IPO11: variants seen among roughly 807,000 people sequenced by gnomAD.
IPO11 encodes the protein importin-11.
Under a neutral mutation model 143.2 loss-of-function variants are expected in IPO11, and 66 were observed. The observed-to-expected ratio is 0.46, with a 90% CI of 0.38 to 0.57. The LOEUF is 0.57. Ranked by LOEUF, IPO11 falls within the 20% of genes least tolerant of loss-of-function variation. The pLI is 0.00. For synonymous variants in IPO11, 385 were observed against 377.8 expected (o/e 1.02, Z -0.22); for missense variants, 1,026 against 1,141.0 (o/e 0.90, Z 1.45).
chr5:62,582,202 C>T (rs577524415), intron 27 of IPO11, among the ~76,000 whole-genome samples: 13 of 152,154 alleles, frequency 8.5e-5, no homozygotes, highest in Non-Finnish European at 8.8e-5. Context: ...ACAATAAAAC[C>T]GGAGCCAGAA....
chr5:62,584,239 T>A (rs1744672669), intron 27 of IPO11, among the ~76,000 whole-genome samples: 1 of 152,042 alleles, frequency 6.6e-6, no homozygotes, highest in African/African-American at 2.4e-5. Context: ...TAGATACGTT[T>A]GGTGTCAAGC....
At chr5:62,422,001 A>G (rs1473874487) in intron 1 of IPO11, among the ~76,000 whole-genome samples, 25 of 152,200 alleles carry the variant, frequency 1.6e-4, no homozygotes, top group Admixed American at 1.6e-3. Flanking sequence ...GTTTTGCCTA[A>G]CTGCTAGTTA....
chr5:62,444,117 A>G (rs1744618007), intron 3 of IPO11, among the ~76,000 whole-genome samples: 1 of 141,178 alleles, frequency 7.1e-6, no homozygotes, highest in Non-Finnish European at 1.5e-5. Context: ...TTTTTTTGAG[A>G]CGGAGTCTCG....
At chr5:62,592,394 G>A (rs1745055867) in intron 28 of IPO11, among the ~76,000 whole-genome samples, 1 of 151,764 alleles carries the variant, frequency 6.6e-6, no homozygotes, top group African/African-American at 2.4e-5. Context: ...ATATGTTGTT[G>A]AATCTTATTA....
At chr5:62,444,333 C>T (rs1392387695) in intron 3 of IPO11, among the ~76,000 whole-genome samples, 2 of 152,000 alleles carry the variant, frequency 1.3e-5, no homozygotes, top group South Asian at 2.1e-4. Context: ...ACCTGGTGAT[C>T]CGCCCGCCTT....
rs774257156 is a variant in IPO11 at position 62,473,334 on chromosome 5, C to T, written c.709-1082C>T. 1.2e-3 allele frequency among the ~76,000 whole-genome samples: 182 copies of T among 152,128 alleles called. 1 individual carries two copies. The highest frequency in any genetic ancestry group is 2.2e-3 in the Non-Finnish European group (150 of 67,962). On this transcript the variant is annotated intron_variant, in intron 7 of 29. Coordinates refer to ENST00000325324, the MANE Select transcript of IPO11 (RefSeq NM_016338.5). ...TAACAGTTGAGAATTCAGAATTTTA[C>T]ATTTTCTGCTTGAAATGACAGAGAG... is the stretch of plus-strand genomic sequence containing the variant.
chr5:62,604,160 A>G (rs573450823), intron 29 of IPO11, among the ~76,000 whole-genome samples: 11 of 152,274 alleles, frequency 7.2e-5, no homozygotes, highest in Middle Eastern at 3.4e-3. Context: ...GCATGACTAT[A>G]TATCTCGAGA....
At chr5:62,556,359 G>A (rs1343368589) in intron 26 of IPO11, among the ~76,000 whole-genome samples, 1 of 152,100 alleles carries the variant, frequency 6.6e-6, no homozygotes, top group Non-Finnish European at 1.5e-5. Context: ...AAATAAAATG[G>A]CTTAGCTTTG....
chr5:62,613,807 A>G lies in IPO11; in HGVS notation c.2763+11959A>G, dbSNP rs35777271. Among the ~76,000 whole-genome samples the G allele has an allele frequency of 4.5e-3, 681 of 152,310 alleles. 4 individuals carry two copies. The highest frequency in any genetic ancestry group is 7.1e-3 in the Non-Finnish European group (481 of 68,024). On this transcript the variant is annotated intron_variant, in intron 29 of 29. Coordinates refer to ENST00000325324, the MANE Select transcript of IPO11 (RefSeq NM_016338.5). ...ATACTATAAGGAAGCCCATAAATCC[A>G]TAAGAAGTAGGCCTCATTTTCCCCA... is the stretch of plus-strand genomic sequence containing the variant.
At chr5:62,493,721 A>G (rs929931702) in intron 15 of IPO11, among the ~76,000 whole-genome samples, 2 of 151,996 alleles carry the variant, frequency 1.3e-5, no homozygotes, top group African/African-American at 4.8e-5. Context: ...GGTGCATGCC[A>G]CCACGCCCTG....
intron 1 of IPO11, among the ~76,000 whole-genome samples, chr5:62,435,118 GT>G (rs1181634873): frequency 2.5e-4 from 15 of 60,720 alleles, no homozygotes; most frequent in Non-Finnish European, 4.6e-4. Context: ...ATGTATATAT[GT>G]ATATATGTAT....
intron 16 of IPO11, 109 bp from the exon 17 acceptor site, chr5:62,504,558 A>C (rs1177659678): frequency 2.8e-5 from 18 of 638,712 alleles, no homozygotes; most frequent in Non-Finnish European, 4.4e-5. Context: ...CTGTGACTCT[A>C]ATAATAATAA....
chr5:62,428,492 C>T (rs1341432520), intron 1 of IPO11, among the ~76,000 whole-genome samples: 7 of 151,802 alleles, frequency 4.6e-5, no homozygotes, highest in African/African-American at 1.2e-4. Context: ...TACAGATGCA[C>T]GCCACTACAC....
At chr5:62,530,670 G>C (rs764691614) in intron 21 of IPO11, 39 bp from the exon 22 acceptor site, 81 of 1,281,482 alleles carry the variant, frequency 6.3e-5, no homozygotes, top group Non-Finnish European at 8.0e-5. Flanking sequence ...GCTTTAATGG[G>C]CATGGAAAGT....
At chr5:62,525,113 A>G (rs1451694608) in intron 20 of IPO11, among the ~76,000 whole-genome samples, 1 of 152,148 alleles carries the variant, frequency 6.6e-6, no homozygotes. Flanking sequence ...ATTCTTAAAT[A>G]TGTTGAAAAG....
At chr5:62,428,682 A>G (rs981769879) in intron 1 of IPO11, among the ~76,000 whole-genome samples, 3 of 151,448 alleles carry the variant, frequency 2.0e-5, no homozygotes, top group Non-Finnish European at 4.4e-5. Flanking sequence ...TTTTTTTTTT[A>G]GAGACAGGGT....
chr5:62,621,522 T>C (rs1398845231), intron 29 of IPO11, among the ~76,000 whole-genome samples: 2 of 152,120 alleles, frequency 1.3e-5, no homozygotes, highest in Non-Finnish European at 2.9e-5. Context: ...CTCCCAGACC[T>C]GCAGTCCGTT....
intron 29 of IPO11, among the ~76,000 whole-genome samples, chr5:62,614,652 C>T (rs950380266): frequency 2.0e-5 from 3 of 152,206 alleles, no homozygotes; most frequent in African/African-American, 4.8e-5. Context: ...CCCCTGGGCT[C>T]CAGCCCCATG....
At chr5:62,587,006 A>G (rs1016524615) in intron 27 of IPO11, among the ~76,000 whole-genome samples, 3 of 150,746 alleles carry the variant, frequency 2.0e-5, no homozygotes, top group African/African-American at 7.3e-5. Flanking sequence ...ACAGTTCTGT[A>G]CCAGCCCTTA....
Sources: allele counts gnomAD v4.1 joint callset (sites outside exome capture counted in the v4.1 genomes callset), GRCh38; gene constraint gnomAD v4.1.1; transcripts MANE v1.5; gene names NCBI Gene and HGNC (gene_info 2026-07-23, HGNC 2026-07-21).